Variants in OR51B5 observed in about 807,000 individuals in gnomAD.
OR51B5 encodes the protein olfactory receptor family 51 subfamily B member 5.
For synonymous variants in OR51B5, 186 were observed against 144.8 expected (o/e 1.28, Z -2.04); for missense variants, 456 against 374.6 (o/e 1.22, Z -1.79).
intron 1 of OR51B5, chr11:5,440,535 T>C: frequency 6.7e-7 from 1 of 1,486,694 alleles, no homozygotes; most frequent in Non-Finnish European, 9.3e-7. Context: ...TCCCAATCCT[T>C]CCTCCAAAGG....
chr11:5,458,768 G>A (rs150683860), intron 1 of OR51B5, among the ~76,000 whole-genome samples: 1,898 of 152,180 alleles, frequency 0.012, 39 homozygotes, highest in African/African-American at 0.043. Context: ...GGATGTTATT[G>A]ATATGTAGAA....
At chr11:5,364,670 T>G (rs995025759) in intron 1 of OR51B5, among the ~76,000 whole-genome samples, 3 of 152,206 alleles carry the variant, frequency 2.0e-5, no homozygotes, top group African/African-American at 7.2e-5. Context: ...TATCTCTGAT[T>G]TTGTGCACTC....
At chr11:5,386,057 TA>T (rs1461271023) in intron 1 of OR51B5, among the ~76,000 whole-genome samples, 2 of 152,006 alleles carry the variant, frequency 1.3e-5, no homozygotes. Flanking sequence ...AAGATGTACC[TA>T]ATGCTACAGA....
intron 1 of OR51B5, chr11:5,351,749 GT>G: frequency 6.2e-7 from 1 of 1,613,920 alleles, no homozygotes; most frequent in South Asian, 1.1e-5. Flanking sequence ...ACAGTGCTAG[GT>G]GTTCTGTGGT....
rs753918438 is a variant in OR51B5, at chr11:5,441,445, T to C, written n.84+64124A>G. 25 of 1,613,774 alleles carry C rather than the reference T, an allele frequency of 1.5e-5. 1 individual carries two copies. In the South Asian group the frequency reaches 2.6e-4, roughly 17 times the overall value. The stretch of plus-strand genomic sequence containing the variant: ...ATCAGGGCAACCCAGGTGAGGCCTG[T>C]TTGTATCCCAGGAATGCCTGTCAGC... On this transcript the variant is annotated intron_variant and non_coding_transcript_variant, in intron 1 of 4. Transcript: ENST00000415970.
At chr11:5,408,340 T>TTCCCTTCCTCCCTTCC (rs67724056) in intron 1 of OR51B5, among the ~76,000 whole-genome samples, 1 of 147,434 alleles carries the variant, frequency 6.8e-6, no homozygotes, top group African/African-American at 2.5e-5. Context: ...CTTTCCTTCC[T>TTCCCTTCCTCCCTTCC]TCCCTTCCTC....
chr11:5,497,263 A>G (rs1455598064), intron 1 of OR51B5, among the ~76,000 whole-genome samples: 2 of 152,138 alleles, frequency 1.3e-5, no homozygotes, highest in Non-Finnish European at 2.9e-5. Context: ...CGTCTCTACT[A>G]AAAATACAAA....
intron 1 of OR51B5, among the ~76,000 whole-genome samples, chr11:5,368,484 T>A (rs987175177): frequency 1.3e-5 from 2 of 152,192 alleles, no homozygotes; most frequent in Non-Finnish European, 2.9e-5. Context: ...ATAATCATCA[T>A]TGAAAATTTT....
chr11:5,412,469 C>T (rs1483237772), intron 1 of OR51B5, among the ~76,000 whole-genome samples: 1 of 152,138 alleles, frequency 6.6e-6, no homozygotes, highest in Non-Finnish European at 1.5e-5. Context: ...TACTGTGCGC[C>T]AGCCGAAGCA....
At chr11:5,487,240 A>G (rs1006228463) in intron 1 of OR51B5, among the ~76,000 whole-genome samples, 3 of 152,142 alleles carry the variant, frequency 2.0e-5, no homozygotes, top group African/African-American at 7.2e-5. Context: ...TCTTTTATCG[A>G]GAGTATATGT....
intron 1 of OR51B5, chr11:5,389,619 T>G (rs1849759118): frequency 6.2e-7 from 1 of 1,613,712 alleles, no homozygotes; most frequent in South Asian, 1.1e-5. Flanking sequence ...ATGTACTATC[T>G]ACTATCCTTG....
chr11:5,416,396 T>G (rs1850244077), intron 1 of OR51B5, among the ~76,000 whole-genome samples: 1 of 152,092 alleles, frequency 6.6e-6, no homozygotes, highest in Admixed American at 6.6e-5. Flanking sequence ...TCACCACCCC[T>G]ATTCAACATA....
intron 1 of OR51B5, among the ~76,000 whole-genome samples, chr11:5,484,942 C>T (rs567664611): frequency 1.3e-5 from 2 of 152,306 alleles, no homozygotes; most frequent in East Asian, 3.9e-4. Context: ...TTCTTCATAG[C>T]TTTATAGGTT....
chr11:5,402,987 C>CAT (rs1380309059), intron 1 of OR51B5: 7 of 471,294 alleles, frequency 1.5e-5, no homozygotes, highest in Admixed American at 2.3e-5. Context: ...TAGCCATCTA[C>CAT]AGCCCACTGA....
At chr11:5,343,213 T>C in exon 1 of OR51B5, 1 of 1,613,504 alleles carries the variant, frequency 6.2e-7, no homozygotes, top group Middle Eastern at 1.7e-4. Flanking sequence ...GAAAGGAAAG[T>C]GAGTGTATAA....
At chr11:5,440,912 C>G in intron 1 of OR51B5, 1 of 1,613,756 alleles carries the variant, frequency 6.2e-7, no homozygotes, top group Non-Finnish European at 8.5e-7. Flanking sequence ...TCACCAAGAG[C>G]CCATAAATGT....
At chr11:5,427,355 G>A (rs1162290724) in intron 1 of OR51B5, among the ~76,000 whole-genome samples, 1 of 147,364 alleles carries the variant, frequency 6.8e-6, no homozygotes, top group African/African-American at 2.5e-5. Flanking sequence ...AAATTGAACA[G>A]TTAGGTAAGT....
At chr11:5,416,701 C>T (rs1850249894) in intron 1 of OR51B5, among the ~76,000 whole-genome samples, 1 of 139,914 alleles carries the variant, frequency 7.1e-6, no homozygotes, top group Non-Finnish European at 1.6e-5. Flanking sequence ...AATAAAATAC[C>T]TAGGAATCCA....
intron 1 of OR51B5, among the ~76,000 whole-genome samples, chr11:5,358,868 T>C (rs997184068): frequency 2.0e-5 from 3 of 152,048 alleles, no homozygotes; most frequent in Admixed American, 2.0e-4. Context: ...TAATCCAGCA[T>C]ATAAACAGAA....
Sources: gnomAD v4.1 joint callset for allele counts (sites outside exome capture counted in the v4.1 genomes callset) on GRCh38, gnomAD v4.1.1 for gene constraint, MANE v1.5 for transcripts, NCBI Gene and HGNC (gene_info 2026-07-23, HGNC 2026-07-21) for gene names.